NF1: variants seen among roughly 807,000 people sequenced by gnomAD.
NF1 encodes the protein neurofibromin.
In NF1, 122 loss-of-function variants were observed where a neutral mutation model predicts 325.7. That is an observed-to-expected ratio of 0.37 (90% CI 0.32 to 0.44). The LOEUF is 0.44. NF1 is among the 20% of genes least tolerant of loss of function. The pLI, the probability that NF1 is intolerant of heterozygous loss-of-function variation, is 1.00. For missense variants in NF1, 2,140 were observed against 3,415.4 expected (o/e 0.63, Z 9.31); for synonymous variants, 1,091 against 1,186.0 (o/e 0.92, Z 1.65).
rs2151541118 is a variant in NF1 at position 31,327,600 on chromosome 17, A to T, written c.5370A>T (p.Glu1790Asp). ...TTTATTATGCTTCGGAAATTGAAGA[A>T]ATCTGCCTAGTAGATGAGAACCAGT... ...NDIYYASEIE[E>D]ICLVDENQFT... Residue 1790 changes from glutamate (E) to aspartate (D), a missense_variant, in exon 38 of 58, where the codon GAA (glutamate) becomes GAT (aspartate). Transcript: ENST00000358273. The T allele has an allele frequency of 6.2e-7, 1 of 1,614,204 alleles. No individual in the cohort carries two copies. The highest frequency in any genetic ancestry group is 8.5e-7 in the Non-Finnish European group (1 of 1,180,028).
chr17:31,237,421 T>C (rs1036383478), intron 29 of NF1, among the ~76,000 whole-genome samples: 5 of 152,080 alleles, frequency 3.3e-5, no homozygotes, highest in Non-Finnish European at 5.9e-5. Flanking sequence ...ATTACAGGCA[T>C]GCACCACCAT....
At chr17:31,140,852 A>G (rs1352684315) in intron 1 of NF1, among the ~76,000 whole-genome samples, 1 of 152,248 alleles carries the variant, frequency 6.6e-6, no homozygotes, top group East Asian at 1.9e-4. Context: ...CCACGCACAA[A>G]AAGAAAAATA....
chr17:31,139,779 G>T (rs1916080441), intron 1 of NF1, among the ~76,000 whole-genome samples: 1 of 152,138 alleles, frequency 6.6e-6, no homozygotes, highest in South Asian at 2.1e-4. Context: ...ATTTTCACTC[G>T]TTAAGAAAGT....
At chr17:31,213,722 C>T (rs2066770522) in intron 12 of NF1, among the ~76,000 whole-genome samples, 1 of 152,078 alleles carries the variant, frequency 6.6e-6, no homozygotes, top group South Asian at 2.1e-4. Flanking sequence ...ATAATTGAAA[C>T]ATATTTTCTG....
In NF1 at chr17:31,261,829, A is replaced by G. The variant is rs757165176; in HGVS notation, c.4696A>G (p.Ser1566Gly). The G allele has an allele frequency of 1.2e-6, 2 of 1,613,056 alleles. No homozygotes were observed. Among genetic ancestry groups the G allele is most frequent in the East Asian group, 2.2e-5 (1 of 44,860 alleles). Residue 1566 changes from serine to glycine, a missense_variant, in exon 35 of 58, where the codon AGT (serine) becomes GGT (glycine). Around this residue, in one of 10 missense-constraint regions of NF1, gnomAD observed 103 missense variants for 214.6 expected, o/e 0.48. Coordinates refer to ENST00000358273, the MANE Select transcript of NF1 (RefSeq NM_001042492.3). ...ACACTGGTCCAGCCTTAACCTTACC[A>G]GTTCAAAGTTTGAGGAATTTATGAC... is the stretch of plus-strand genomic sequence containing the variant. ...DTHWSSLNLT[S>G]SKFEEFMTRH...
intron 36 of NF1, among the ~76,000 whole-genome samples, chr17:31,265,813 G>A (rs1192228662): frequency 6.6e-6 from 1 of 152,104 alleles, no homozygotes; most frequent in African/African-American, 2.4e-5. Context: ...TATGAAGATG[G>A]TGCAAGGGGT....
intron 29 of NF1, among the ~76,000 whole-genome samples, chr17:31,238,358 T>C (rs1395055859): frequency 6.6e-6 from 1 of 152,150 alleles, no homozygotes; most frequent in African/African-American, 2.4e-5. Context: ...CAGGAGAAAT[T>C]ACTTTACCAG....
chr17:31,177,434 T>C (rs1026016739), intron 5 of NF1, among the ~76,000 whole-genome samples: 1 of 73,320 alleles, frequency 1.4e-5, no homozygotes, highest in African/African-American at 5.5e-5. Context: ...GCAAAAAGGC[T>C]GAAAAAAAAA....
intron 1 of NF1, among the ~76,000 whole-genome samples, chr17:31,111,748 T>C (rs1444730910): frequency 6.6e-6 from 1 of 152,162 alleles, no homozygotes; most frequent in Non-Finnish European, 1.5e-5. Context: ...GTAAGATTAC[T>C]GAAGGAAGTT....
intron 1 of NF1, among the ~76,000 whole-genome samples, chr17:31,154,112 C>A (rs181207164): frequency 1.3e-3 from 156 of 122,880 alleles, no homozygotes; most frequent in African/African-American, 4.7e-3. Flanking sequence ...GGCTGGAGTG[C>A]AGTGGTGCGA....
intron 3 of NF1, among the ~76,000 whole-genome samples, chr17:31,159,870 G>A (rs2065731994): frequency 6.6e-6 from 1 of 152,076 alleles, no homozygotes; most frequent in African/African-American, 2.4e-5. Flanking sequence ...TCAGAATTCA[G>A]AATTTTGTTT....
chr17:31,354,344 T>G (rs1360127184), intron 51 of NF1, among the ~76,000 whole-genome samples: 1 of 152,100 alleles, frequency 6.6e-6, no homozygotes, highest in Non-Finnish European at 1.5e-5. Context: ...TAGGGGCATA[T>G]GTTTAAGAGC....
At chr17:31,201,580 A>C in intron 11 of NF1, 95 bp downstream of exon 11, 3 of 907,780 alleles carry the variant, frequency 3.3e-6, no homozygotes, top group Non-Finnish European at 5.4e-6. Flanking sequence ...TGGTTTTCAA[A>C]AAGGTTCTGA....
At position 31,182,674 on chromosome 17, in the gene NF1, G is replaced by C. The variant is rs1274043045; in HGVS notation, c.888+9G>C. 6.2e-7 allele frequency: 1 copy of C among 1,610,814 alleles called. No individual in the cohort carries two copies. The highest frequency in any genetic ancestry group is 1.7e-5 in the Admixed American group (1 of 59,864). Reference sequence around the variant, plus strand: ...AAAACAACATGAATAAGGTAAGGAGGGCAAAATTATTTCCATTATATCTAG... The same window carrying C: ...AAAACAACATGAATAAGGTAAGGAGCGCAAAATTATTTCCATTATATCTAG... On this transcript the variant is annotated intron_variant, in intron 8 of 57. Transcript: ENST00000358273.
At position 31,229,013 on chromosome 17, in the gene NF1, T is replaced by C. The variant is rs876657932; in HGVS notation, c.2410-12T>C. 6.3e-7 allele frequency: 1 copy of C among 1,588,376 alleles called. No individual in the cohort carries two copies. The highest frequency in any genetic ancestry group is 1.3e-5 in the African/African-American group (1 of 74,260). On this transcript the variant is annotated splice_polypyrimidine_tract_variant and intron_variant, in intron 20 of 57. Coordinates refer to ENST00000358273, the MANE Select transcript of NF1 (RefSeq NM_001042492.3). The stretch of plus-strand genomic sequence containing the variant: ...GTTTAATTCATGCTTTGCACAAAAA[T>C]TTTGTGTTTAGGCTGCTGAAAGCCT...
chr17:31,229,685 C>T (rs1375460862), intron 21 of NF1, 150 bp from the exon 22 acceptor site: 42 of 1,061,304 alleles, frequency 4.0e-5, no homozygotes, highest in Admixed American at 2.7e-4. Context: ...TGTATGGGTA[C>T]GAGTGTCTGC....
intron 36 of NF1, among the ~76,000 whole-genome samples, chr17:31,273,219 G>C (rs2067936994): frequency 6.6e-6 from 1 of 152,000 alleles, no homozygotes; most frequent in Admixed American, 6.6e-5. Context: ...TTTAGTTTAG[G>C]TCACAAATTA....
rs1597867034 is a variant in NF1 at position 31,357,368 on chromosome 17, G to A, written c.7969G>A (p.Val2657Met). The change falls in exon 54 of 58, where the codon GTG becomes ATG. Residue 2657 changes from valine (V) to methionine (M), a missense_variant and splice_region_variant. By Grantham distance (21) the Val-to-Met change is conservative. This residue lies in a region of NF1 where 522 missense variants were observed against 749.0 expected (regional missense o/e 0.70). Transcript: ENST00000358273. ...SVVFPKVFPV[V>M]HNLLDSKINT... The stretch of plus-strand genomic sequence containing the variant: ...TGTGTTTCCCAAAGTCTTTCCTGTT[G>A]TGTAAGTATCTCCTTTTGATTTTAA... The A allele has an allele frequency of 6.2e-7, 1 of 1,608,688 alleles. No homozygotes were observed. Among genetic ancestry groups the A allele is most frequent in the Non-Finnish European group, 8.5e-7 (1 of 1,175,138 alleles).
intron 29 of NF1, among the ~76,000 whole-genome samples, chr17:31,241,253 A>G (rs1266062297): frequency 6.6e-6 from 1 of 152,130 alleles, no homozygotes; most frequent in East Asian, 1.9e-4. Context: ...CTTGTAGGCA[A>G]CAGATTGTTG....
Sources: allele counts gnomAD v4.1 joint callset (sites outside exome capture counted in the v4.1 genomes callset), GRCh38; gene constraint gnomAD v4.1.1; regional missense constraint gnomAD v4.1.1; transcripts MANE v1.5; gene names NCBI Gene and HGNC (gene_info 2026-07-23, HGNC 2026-07-21).